PRKCB: variants seen among roughly 807,000 people sequenced by gnomAD.
PRKCB encodes protein kinase C beta type.
In PRKCB, 13 loss-of-function variants were observed where a neutral mutation model predicts 81.5. The observed-to-expected ratio is 0.16, with a 90% CI of 0.10 to 0.25. PRKCB has a LOEUF of 0.25. PRKCB is among the 10% of genes least tolerant of loss of function. The probability of loss-of-function intolerance (pLI) is 1.00; values close to 1 mark genes in which losing one functional copy is unlikely to be tolerated. For missense variants in PRKCB, 509 were observed against 875.7 expected, an observed-to-expected ratio of 0.58 and a Z score of 5.29; for synonymous variants, 335 against 321.4, an observed-to-expected ratio of 1.04 and a Z score of -0.45.
chr16:23,912,991 ATTG>A (rs972145721), intron 2 of PRKCB, among the ~76,000 whole-genome samples: 56 of 152,058 alleles, frequency 3.7e-4, no homozygotes, highest in African/African-American at 1.3e-3. Flanking sequence ...CGCCCAGCTA[ATTG>A]TTGTATTTTT....
intron 3 of PRKCB, among the ~76,000 whole-genome samples, chr16:24,014,173 A>G (rs1965243310): frequency 6.6e-6 from 1 of 152,102 alleles, no homozygotes; most frequent in Non-Finnish European, 1.5e-5. Flanking sequence ...CAAGTTGAAT[A>G]ATCTTATGTT....
intron 2 of PRKCB, among the ~76,000 whole-genome samples, chr16:23,926,353 G>A (rs894216431): frequency 2.6e-5 from 4 of 151,742 alleles, no homozygotes; most frequent in Non-Finnish European, 4.4e-5. Flanking sequence ...GCATGATGGC[G>A]GGTGCCTGTA....
intron 5 of PRKCB, among the ~76,000 whole-genome samples, chr16:24,046,737 C>CA: frequency 6.6e-6 from 1 of 152,104 alleles, no homozygotes. Flanking sequence ...CAGGGACAGC[C>CA]AGTTAGGCTT....
At chr16:24,052,881 A>G (rs556709155) in intron 5 of PRKCB, among the ~76,000 whole-genome samples, 1 of 152,284 alleles carries the variant, frequency 6.6e-6, no homozygotes, top group East Asian at 1.9e-4. Flanking sequence ...CCTCCTGAGA[A>G]TGCAGCCCAG....
At chr16:24,210,053 C>T (rs527410093) in intron 16 of PRKCB, among the ~76,000 whole-genome samples, 1 of 152,224 alleles carries the variant, frequency 6.6e-6, no homozygotes, top group South Asian at 2.1e-4. Context: ...GAGTTTGAGG[C>T]TGCAGTGAGC....
At chr16:24,176,954 C>G (rs1366730060) in intron 12 of PRKCB, among the ~76,000 whole-genome samples, 1 of 151,772 alleles carries the variant, frequency 6.6e-6, no homozygotes, top group Non-Finnish European at 1.5e-5. Flanking sequence ...AAATTCAAGC[C>G]GATGACTTCA....
At chr16:23,944,414 AT>A (rs544743491) in intron 2 of PRKCB, among the ~76,000 whole-genome samples, 5 of 151,804 alleles carry the variant, frequency 3.3e-5, no homozygotes, top group African/African-American at 1.2e-4. Flanking sequence ...AAATCTTTAG[AT>A]TTTTTTTTAT....
At chr16:24,059,030 G>C (rs1965940475) in intron 5 of PRKCB, among the ~76,000 whole-genome samples, 1 of 152,220 alleles carries the variant, frequency 6.6e-6, no homozygotes, top group Admixed American at 6.5e-5. Flanking sequence ...CATGTGGATA[G>C]TGAGCGTGAT....
At chr16:24,104,468 TAAAC>T (rs1966550461) in intron 7 of PRKCB, among the ~76,000 whole-genome samples, 1 of 152,080 alleles carries the variant, frequency 6.6e-6, no homozygotes, top group African/African-American at 2.4e-5. Context: ...TGAAGAAAAA[TAAAC>T]AACAATTGTA....
rs147909904 is a variant in PRKCB at position 23,985,758 on chromosome 16, A to G, written c.206-2750A>G. Among the ~76,000 whole-genome samples, 554 of 152,354 alleles carry G rather than the reference A, an allele frequency of 3.6e-3. 5 individuals are homozygous for G. Among genetic ancestry groups the G allele is most frequent in the African/African-American group, 0.012 (513 of 41,586 alleles). ...TACTTGGAAGAATAAATATGCAGTG[A>G]TAGCCAAGAAAATGTTGAAAATAAG... On this transcript the variant is annotated intron_variant, in intron 2 of 16. Transcript: ENST00000643927.
At chr16:24,071,457 A>AAAAAAAAAAAAAAC in intron 5 of PRKCB, among the ~76,000 whole-genome samples, 1 of 150,988 alleles carries the variant, frequency 6.6e-6, no homozygotes, top group Non-Finnish European at 1.5e-5. Context: ...AAAAAAAAAA[A>AAAAAAAAAAAAAAC]AAAAAGACAA....
At chr16:23,967,964 G>C (rs1012381934) in intron 2 of PRKCB, among the ~76,000 whole-genome samples, 4 of 152,164 alleles carry the variant, frequency 2.6e-5, no homozygotes, top group Non-Finnish European at 5.9e-5. Flanking sequence ...CTTTTATGGT[G>C]TCTTTGAAGT....
rs1295803354 is a variant in PRKCB, at chr16:24,215,709, A to T, written c.*893A>T. The T allele has an allele frequency of 2.0e-6, 2 of 985,578 alleles. No homozygotes were observed. Among genetic ancestry groups the T allele is most frequent in the African/African-American group, 1.7e-5 (1 of 57,236 alleles). The allele number at this position is 985,578 out of a possible 1,614,324, so 61.1% of individuals were successfully genotyped here. A position where few individuals can be genotyped will look rare whatever the true frequency, so the allele number is the denominator to read the frequency against. The stretch of plus-strand genomic sequence containing the variant: ...ACACATGCTTTAAAATATGTATTCA[A>T]ATGTTATTAACCACAATGACGACCT... On this transcript the variant is annotated 3_prime_UTR_variant, in exon 17 of 17. Coordinates refer to ENST00000643927, the MANE Select transcript of PRKCB (RefSeq NM_002738.7).
intron 2 of PRKCB, among the ~76,000 whole-genome samples, chr16:23,971,457 CT>C (rs1964555471): frequency 6.6e-6 from 1 of 152,180 alleles, no homozygotes; most frequent in South Asian, 2.1e-4. Flanking sequence ...TTGTCCTACT[CT>C]GTGTCCCAGG....
intron 2 of PRKCB, among the ~76,000 whole-genome samples, chr16:23,872,572 G>T (rs144890072): frequency 0.013 from 1,918 of 152,192 alleles, 45 homozygotes; most frequent in African/African-American, 0.042. Context: ...GGTCTCTGGA[G>T]GTATCCTGTT....
At chr16:23,873,862 C>T (rs1216981190) in intron 2 of PRKCB, among the ~76,000 whole-genome samples, 1 of 152,178 alleles carries the variant, frequency 6.6e-6, no homozygotes, top group African/African-American at 2.4e-5. Context: ...TTCAAATATA[C>T]ACTCCTACTC....
chr16:23,915,689 C>CAAAAAAAAAAAAAAAAAA (rs71154259), intron 2 of PRKCB, among the ~76,000 whole-genome samples: 13 of 54,544 alleles, frequency 2.4e-4, no homozygotes, highest in Non-Finnish European at 3.1e-4. Flanking sequence ...GACTCTCTAT[C>CAAAAAAAAAAAAAAAAAA]AAAAAAAAAA....
intron 3 of PRKCB, among the ~76,000 whole-genome samples, chr16:24,004,021 A>G (rs958623008): frequency 6.6e-6 from 1 of 152,216 alleles, no homozygotes; most frequent in Non-Finnish European, 1.5e-5. Context: ...GACATTATGC[A>G]TTCAAATAAT....
chr16:23,917,207 T>G (rs1000051516), intron 2 of PRKCB, among the ~76,000 whole-genome samples: 17 of 152,186 alleles, frequency 1.1e-4, no homozygotes, highest in African/African-American at 4.1e-4. Flanking sequence ...CTCAGTTTCC[T>G]GACTAGCTGG....
Sources: gnomAD v4.1 joint callset for allele counts (sites outside exome capture counted in the v4.1 genomes callset) on GRCh38, gnomAD v4.1.1 for gene constraint, MANE v1.5 for transcripts, NCBI Gene and HGNC (gene_info 2026-07-23, HGNC 2026-07-21) for gene names.